RERE: variants seen among roughly 807,000 people sequenced by gnomAD.
The protein encoded by RERE is arginine-glutamic acid dipeptide repeats, also known as arginine-glutamic acid dipeptide repeats protein.
RERE carries 40 observed loss-of-function variants against 146.1 expected under a neutral mutation model. That is an observed-to-expected ratio of 0.27 (90% CI 0.21 to 0.36). The LOEUF is 0.36. Among genes scored for constraint, RERE ranks in the 10% least tolerant of loss-of-function variants. The pLI, the probability that RERE is intolerant of heterozygous loss-of-function variation, is 1.00. For missense variants in RERE, 1,933 were observed against 2,138.7 expected (o/e 0.90, Z 1.90); for synonymous variants, 1,003 against 866.0 (o/e 1.16, Z -2.78).
intron 1 of RERE, among the ~76,000 whole-genome samples, chr1:8,707,950 T>C (rs1297350597): frequency 6.6e-6 from 1 of 150,678 alleles, no homozygotes; most frequent in Non-Finnish European, 1.5e-5. Context: ...TACAATGTAT[T>C]GTTATAATTG....
intron 2 of RERE, among the ~76,000 whole-genome samples, chr1:8,635,937 A>ATTATT (rs79715036): frequency 1.4e-5 from 2 of 147,346 alleles, no homozygotes; most frequent in African/African-American, 5.2e-5. Context: ...GTCTTCAATT[A>ATTATT]TTATTTTATT....
At position 8,679,966 on chromosome 1, in the gene RERE, C is replaced by A. The variant is rs78859273; in HGVS notation, c.-144-23525G>T. Reference sequence around the variant, plus strand: ...TTGCACAGGGATGTTTTATAAAATTCTCTAAAATTTAAACTACACACGTTT... The same window carrying A: ...TTGCACAGGGATGTTTTATAAAATTATCTAAAATTTAAACTACACACGTTT... On this transcript the variant is annotated intron_variant, in intron 1 of 22. Transcript: ENST00000400908. 6.2e-3 allele frequency among the ~76,000 whole-genome samples: 939 copies of A among 152,246 alleles called. 4 individuals carry two copies. The highest frequency in any genetic ancestry group is 9.4e-3 in the Non-Finnish European group (636 of 68,020).
intron 1 of RERE, among the ~76,000 whole-genome samples, chr1:8,766,858 A>C (rs1640860128): frequency 6.6e-6 from 1 of 152,202 alleles, no homozygotes; most frequent in Admixed American, 6.5e-5. Flanking sequence ...TTTTGTTTTA[A>C]GGTTTTGTTG....
intron 12 of RERE, among the ~76,000 whole-genome samples, chr1:8,417,276 C>T (rs1398824214): frequency 6.6e-6 from 1 of 152,178 alleles, no homozygotes; most frequent in Admixed American, 6.5e-5. Context: ...AGCATTTATT[C>T]TCTGCTGCAG....
chr1:8,788,186 A>T (rs1182950674), intron 1 of RERE, among the ~76,000 whole-genome samples: 1 of 152,170 alleles, frequency 6.6e-6, no homozygotes, highest in Non-Finnish European at 1.5e-5. Flanking sequence ...GAAAAATGGA[A>T]ATAAGCCAAG....
At chr1:8,605,810 G>A (rs1367867774) in intron 4 of RERE, among the ~76,000 whole-genome samples, 1 of 140,252 alleles carries the variant, frequency 7.1e-6, no homozygotes, top group Non-Finnish European at 1.5e-5. Flanking sequence ...TCCATTACTG[G>A]CAGCAGAAAA....
intron 7 of RERE, chr1:8,525,993 G>T (rs1404627311): frequency 1.5e-6 from 2 of 1,316,650 alleles, no homozygotes; most frequent in Admixed American, 8.1e-5. Flanking sequence ...AGCATGTGCT[G>T]TGACCCTCCC....
intron 1 of RERE, among the ~76,000 whole-genome samples, chr1:8,713,940 T>G (rs148349744): frequency 2.9e-3 from 435 of 152,262 alleles, no homozygotes; most frequent in African/African-American, 9.8e-3. Flanking sequence ...AAACGTTATA[T>G]TATGAAAACT....
Position 8,627,896 on chromosome 1 carries a change from G to A in RERE, c.326-3516C>T, listed in dbSNP as rs562997219. The stretch of plus-strand genomic sequence containing the variant: ...AGAGAAGGAAGGAAAGGAACATGCC[G>A]GTATGTCAAGAGCAGCCAAGCACAT... On this transcript the variant is annotated intron_variant, in intron 2 of 22. Transcript: ENST00000400908. Among the ~76,000 whole-genome samples, 18 of 152,268 alleles carry A rather than the reference G, an allele frequency of 1.2e-4. No individual in the cohort carries two copies. In the East Asian group the frequency reaches 1.4e-3, roughly 11 times the overall value.
Position 8,356,089 on chromosome 1 carries a change from G to C in RERE, c.4486+11C>G. The C allele has an allele frequency of 1.3e-6, 2 of 1,490,136 alleles. No individual in the cohort carries two copies. The highest frequency in any genetic ancestry group is 1.8e-6 in the Non-Finnish European group (2 of 1,122,948). The allele number at this position is 1,490,136 out of a possible 1,614,324, so 92.3% of individuals were successfully genotyped here. On this transcript the variant is annotated intron_variant, in intron 21 of 22. Transcript: ENST00000400908. This position sits in a 1 kb window ranked among gnomAD's most constrained non-coding sequence, Gnocchi z 5.2. The stretch of plus-strand genomic sequence containing the variant: ...ACGGCCTCCCCGCCCCTCCTGGAGG[G>C]GAAGTCTTACCGAAAACTGGGTGGC...
intron 1 of RERE, among the ~76,000 whole-genome samples, chr1:8,810,751 A>G (rs1641790518): frequency 6.6e-6 from 1 of 152,216 alleles, no homozygotes; most frequent in Admixed American, 6.5e-5. Flanking sequence ...AGGAAAATGA[A>G]AAACAAAAAC....
At chr1:8,771,314 G>T (rs190063507) in intron 1 of RERE, among the ~76,000 whole-genome samples, 2 of 151,964 alleles carry the variant, frequency 1.3e-5, no homozygotes, top group African/African-American at 4.8e-5. Context: ...TTGAGGTCAG[G>T]AGTTCGAGTC....
intron 7 of RERE, among the ~76,000 whole-genome samples, chr1:8,517,784 G>A (rs376820981): frequency 2.6e-4 from 39 of 152,294 alleles, no homozygotes; most frequent in African/African-American, 9.4e-4. Context: ...TTCAACTGCA[G>A]TGGATTAAAT....
chr1:8,786,790 A>G, intron 1 of RERE: 1 of 801,546 alleles, frequency 1.2e-6, no homozygotes, highest in Non-Finnish European at 2.2e-6. Context: ...TTTTTCATAA[A>G]TAAGCTCCCT....
intron 1 of RERE, among the ~76,000 whole-genome samples, chr1:8,778,160 T>G (rs770578477): frequency 2.6e-5 from 4 of 152,212 alleles, no homozygotes; most frequent in Non-Finnish European, 2.9e-5. Flanking sequence ...AAAATTTATC[T>G]ATTAGACAGT....
Position 8,422,787 on chromosome 1 carries a change from G to A in RERE, c.1224C>T (p.Leu408=), listed in dbSNP as rs1253083413. The part of the protein sequence containing the change: ...EDEVKRFVKG[L]RQYGKNFFRI... ...TGAAGAAGTTCTTCCCGTACTGCCT[G>A]AGTCCCTTAACGAAGCGTTTCTGTG... Residue 408 remains leucine, a synonymous_variant, in exon 12 of 23, where the codon CTC becomes CTT. Transcript: ENST00000400908. The A allele has an allele frequency of 1.2e-6, 2 of 1,613,668 alleles. No individual in the cohort carries two copies. The highest frequency in any genetic ancestry group is 1.7e-5 in the Admixed American group (1 of 60,002).
rs1639319797 is a variant in RERE at position 8,695,904 on chromosome 1, T to C, written c.-144-39463A>G. ...AACAAGCAGAAAACAAATAACCCCA[T>C]TACAAACTAAGCAAAAGGCATTAAC... On this transcript the variant is annotated intron_variant, in intron 1 of 22. Coordinates refer to ENST00000400908, the MANE Select transcript of RERE (RefSeq NM_001042681.2). Among the ~76,000 whole-genome samples the C allele has an allele frequency of 4.6e-5, 7 of 152,126 alleles. No homozygotes were observed. The South Asian group carries it at 1.5e-3, about 32-fold the overall frequency.
intron 4 of RERE, among the ~76,000 whole-genome samples, chr1:8,608,881 G>A (rs1646755555): frequency 1.3e-5 from 2 of 152,062 alleles, no homozygotes; most frequent in Admixed American, 1.3e-4. Context: ...AGGTCAGTTT[G>A]AGACCAGCCT....
At chr1:8,706,113 CAAAAAAAAAAAAA>C (rs61016240) in intron 1 of RERE, among the ~76,000 whole-genome samples, 1 of 69,190 alleles carries the variant, frequency 1.4e-5, no homozygotes, top group Non-Finnish European at 2.6e-5. Flanking sequence ...ACTCCGTCTC[CAAAAAAAAAAAAA>C]AAAAAAAAAA....
Sources: gnomAD v4.1 joint callset for allele counts (sites outside exome capture counted in the v4.1 genomes callset) on GRCh38, gnomAD v4.1.1 for gene constraint, Gnocchi (gnomAD v3.1) non-coding constraint, MANE v1.5 for transcripts, NCBI Gene and HGNC (gene_info 2026-07-23, HGNC 2026-07-21) for gene names.